The following SPATA16 variants were observed in gnomAD, a reference collection of about 807,000 sequenced individuals.
SPATA16 encodes the protein spermatogenesis-associated protein 16.
Under a neutral mutation model 63.3 loss-of-function variants are expected in SPATA16, and 36 were observed. That is an observed-to-expected ratio of 0.57 (90% CI 0.44 to 0.75). The LOEUF (loss-of-function observed/expected upper bound fraction) is 0.75. Among genes scored for constraint, SPATA16 ranks in the 30% least tolerant of loss-of-function variants. The probability of loss-of-function intolerance (pLI) is 0.00; values close to 1 mark genes in which losing one functional copy is unlikely to be tolerated. For synonymous variants in SPATA16, 203 were observed against 216.7 expected, an observed-to-expected ratio of 0.94 and a Z score of 0.56; for missense variants, 646 against 679.3, an observed-to-expected ratio of 0.95 and a Z score of 0.54.
intron 2 of SPATA16, among the ~76,000 whole-genome samples, chr3:173,108,612 A>G (rs1384594255): frequency 6.6e-6 from 1 of 152,156 alleles, no homozygotes; most frequent in African/African-American, 2.4e-5. Context: ...TATATCTAAT[A>G]GCTCCCCAGG....
chr3:172,981,179 C>G (rs533940655), intron 4 of SPATA16, among the ~76,000 whole-genome samples: 15 of 152,156 alleles, frequency 9.9e-5, no homozygotes, highest in Non-Finnish European at 2.1e-4. Context: ...TTTTCATCCT[C>G]CCTTGCAGTT....
chr3:173,102,537 G>A (rs1441405059), intron 2 of SPATA16, among the ~76,000 whole-genome samples: 1 of 152,028 alleles, frequency 6.6e-6, no homozygotes, highest in East Asian at 1.9e-4. Context: ...CACGGGTAGG[G>A]GAAGGTGTCA....
chr3:173,031,756 A>C (rs1400241414), intron 3 of SPATA16, among the ~76,000 whole-genome samples: 3 of 152,088 alleles, frequency 2.0e-5, no homozygotes, highest in Admixed American at 1.3e-4. Context: ...CAAAAGATTG[A>C]TCATTAGAAT....
intron 2 of SPATA16, among the ~76,000 whole-genome samples, chr3:173,050,871 T>C (rs1443894628): frequency 1.3e-5 from 2 of 152,206 alleles, no homozygotes; most frequent in Non-Finnish European, 2.9e-5. Flanking sequence ...ATAAAATTGG[T>C]AATAAAATAG....
rs200413261 is a variant in SPATA16 at position 172,925,356 on chromosome 3, C to T, written c.1218G>A (p.Pro406=). ...GTTCAGATGATTTACCTGTGAATAT[C>T]GGCAGCTTCCTGCTTGATATTTTTT... ...FLEKISSRKL[P]IFTEHKTPFG... The change falls in exon 7 of 11, where the codon CCG becomes CCA. Residue 406 remains proline, a synonymous_variant. Coordinates refer to ENST00000351008, the MANE Select transcript of SPATA16 (RefSeq NM_031955.6). The T allele has an allele frequency of 7.4e-6, 12 of 1,613,758 alleles. No homozygotes were observed. Among genetic ancestry groups the T allele is most frequent in the East Asian group, 2.2e-5 (1 of 44,846 alleles).
At chr3:172,944,927 G>A (rs1033059393) in intron 6 of SPATA16, among the ~76,000 whole-genome samples, 5 of 152,130 alleles carry the variant, frequency 3.3e-5, no homozygotes, top group East Asian at 3.9e-4. Context: ...ACAATAATGC[G>A]AATGTAGTTA....
At chr3:172,890,117 A>G (rs1312999662) in intron 10 of SPATA16, among the ~76,000 whole-genome samples, 1 of 152,216 alleles carries the variant, frequency 6.6e-6, no homozygotes, top group Non-Finnish European at 1.5e-5. Context: ...CAGAGATTCT[A>G]GCATTTAGAT....
At chr3:173,021,357 G>A (rs1319664735) in intron 3 of SPATA16, among the ~76,000 whole-genome samples, 7 of 152,064 alleles carry the variant, frequency 4.6e-5, no homozygotes, top group African/African-American at 7.2e-5. Flanking sequence ...TGAATTAGAC[G>A]GGTCTGAGTT....
intron 2 of SPATA16, among the ~76,000 whole-genome samples, chr3:173,083,935 C>T (rs562177692): frequency 7.9e-4 from 120 of 151,842 alleles, no homozygotes; most frequent in Middle Eastern, 3.4e-3. Flanking sequence ...TTGTGAATAG[C>T]GCTGCAATGA....
chr3:173,072,226 T>G lies in SPATA16; in HGVS notation c.613-23132A>C, dbSNP rs566592285. ...GGCACATGTATGTCGTGGAATATAATGCAGTCATAAAAAAGAACAAAATCA... is the reference window on the plus strand; with the variant it reads ...GGCACATGTATGTCGTGGAATATAAGGCAGTCATAAAAAAGAACAAAATCA... On this transcript the variant is annotated intron_variant, in intron 2 of 10. Transcript: ENST00000351008. 1.4e-4 allele frequency among the ~76,000 whole-genome samples: 21 copies of G among 152,324 alleles called. No individual in the cohort carries two copies. In the South Asian group the frequency reaches 4.1e-3, roughly 30 times the overall value.
chr3:173,056,725 AAAAAG>A (rs1252940269), intron 2 of SPATA16, among the ~76,000 whole-genome samples: 2 of 150,910 alleles, frequency 1.3e-5, no homozygotes, highest in Non-Finnish European at 1.5e-5. Flanking sequence ...AAAAAAAAAA[AAAAAG>A]AAATGTGGTT....
At position 173,141,224 on chromosome 3, in the gene SPATA16, C is replaced by G. The variant is rs1008221298; in HGVS notation, c.-140G>C. On this transcript the variant is annotated 5_prime_UTR_variant, in exon 1 of 11. Transcript: ENST00000351008. ...GCGAGGCCTGATCAGGCTGCTTGCT[C>G]GCGGGGACGCCAGGACTTGAAACGT... 3 of 152,256 alleles carry G rather than the reference C, an allele frequency of 2.0e-5. No homozygotes were observed. In the East Asian group the frequency reaches 5.8e-4, roughly 29 times the overall value. The allele number at this position is 152,256 out of a possible 1,614,324, so 9.4% of individuals were successfully genotyped here.
rs564121352 is a variant in SPATA16 at position 172,939,061 on chromosome 3, C to T, written c.1082-13569G>A. 1.6e-3 allele frequency among the ~76,000 whole-genome samples: 248 copies of T among 152,260 alleles called. 1 individual carries two copies. The highest frequency in any genetic ancestry group is 3.4e-3 in the Middle Eastern group (1 of 294). ...AAAAAGTCTTTAAATCTACTTATGACCCGGGAGCCCCCGCTTCAAGATATC... is the reference window on the plus strand; with the variant it reads ...AAAAAGTCTTTAAATCTACTTATGATCCGGGAGCCCCCGCTTCAAGATATC... On this transcript the variant is annotated intron_variant, in intron 6 of 10. Transcript: ENST00000351008.
At chr3:172,892,496 T>C (rs1731911993) in intron 10 of SPATA16, among the ~76,000 whole-genome samples, 1 of 152,200 alleles carries the variant, frequency 6.6e-6, no homozygotes, top group African/African-American at 2.4e-5. Flanking sequence ...GTTATTCCCT[T>C]AGATTACACC....
chr3:173,117,009 C>G (rs1416618701), intron 2 of SPATA16, 111 bp downstream of exon 2: 6 of 1,100,518 alleles, frequency 5.5e-6, no homozygotes, highest in Non-Finnish European at 8.3e-6. Flanking sequence ...ATTACATATC[C>G]TCACCTCATG....
chr3:173,029,352 C>T (rs549771172), intron 3 of SPATA16, among the ~76,000 whole-genome samples: 1 of 151,658 alleles, frequency 6.6e-6, no homozygotes, highest in African/African-American at 2.4e-5. Context: ...GTATGAGCCT[C>T]CAGGGTCAGA....
chr3:173,098,958 C>G (rs976642855), intron 2 of SPATA16, among the ~76,000 whole-genome samples: 2 of 152,188 alleles, frequency 1.3e-5, no homozygotes, highest in African/African-American at 4.8e-5. Flanking sequence ...ACCAACCAAC[C>G]AACCAACCAA....
chr3:173,061,620 A>G lies in SPATA16; in HGVS notation c.613-12526T>C, dbSNP rs541098349. Among the ~76,000 whole-genome samples, 4 of 152,348 alleles carry G rather than the reference A, an allele frequency of 2.6e-5. No homozygotes were observed. The East Asian group carries it at 7.7e-4, about 29-fold the overall frequency. On this transcript the variant is annotated intron_variant, in intron 2 of 10. Transcript: ENST00000351008. Reference sequence around the variant, plus strand: ...AGACATCAAGGGTATTGCAATTAATAGTTTTCAATTTCAATAAATATCTTT... The same window carrying G: ...AGACATCAAGGGTATTGCAATTAATGGTTTTCAATTTCAATAAATATCTTT...
intron 5 of SPATA16, among the ~76,000 whole-genome samples, chr3:172,967,284 G>C (rs577518361): frequency 3.9e-5 from 6 of 152,090 alleles, no homozygotes; most frequent in Admixed American, 1.3e-4. Flanking sequence ...TTTTTAGGAG[G>C]CAAAAAAAGT....
Sources: gnomAD v4.1 joint callset for allele counts (sites outside exome capture counted in the v4.1 genomes callset) on GRCh38, gnomAD v4.1.1 for gene constraint, MANE v1.5 for transcripts, NCBI Gene and HGNC (gene_info 2026-07-23, HGNC 2026-07-21) for gene names.